CTNNA3: variants seen among roughly 807,000 people sequenced by gnomAD.
CTNNA3 encodes catenin alpha-3.
A neutral mutation model predicts 95.7 loss-of-function variants in CTNNA3; 76 were observed. The ratio of observed to expected loss-of-function variants is 0.79; its 90% CI spans 0.66 to 0.96. The LOEUF (loss-of-function observed/expected upper bound fraction) is 0.96. Among genes scored for constraint, CTNNA3 ranks in the 40% least tolerant of loss-of-function variants. CTNNA3 has a pLI of 0.00. For synonymous variants in CTNNA3, 431 were observed against 374.4 expected (o/e 1.15, Z -1.74); for missense variants, 1,191 against 1,089.8 (o/e 1.09, Z -1.31).
intron 7 of CTNNA3, among the ~76,000 whole-genome samples, chr10:67,066,681 T>G (rs1856112246): frequency 6.6e-6 from 1 of 152,174 alleles, no homozygotes; most frequent in African/African-American, 2.4e-5. Flanking sequence ...CTTGAATAAT[T>G]GTTAAACAAA....
intron 10 of CTNNA3, among the ~76,000 whole-genome samples, chr10:66,589,996 A>G (rs1336658086): frequency 6.6e-6 from 1 of 152,094 alleles, no homozygotes; most frequent in Non-Finnish European, 1.5e-5. Flanking sequence ...GAAATATTGA[A>G]AGGAGTAAGA....
At chr10:67,045,734 GC>G (rs1288864772) in intron 7 of CTNNA3, among the ~76,000 whole-genome samples, 1 of 152,074 alleles carries the variant, frequency 6.6e-6, no homozygotes, top group Non-Finnish European at 1.5e-5. Flanking sequence ...ACCAGCCAAG[GC>G]CCCCCTCTGT....
chr10:66,118,104 C>T lies in CTNNA3; in HGVS notation c.1885-14855G>A, dbSNP rs529192518. 2.6e-4 allele frequency: 39 copies of T among 152,280 alleles called. 1 individual carries two copies. Among genetic ancestry groups the T allele is most frequent in the South Asian group, 1.2e-3 (6 of 4,832 alleles). The allele number at this position is 152,280 out of a possible 1,614,324, so 9.4% of individuals were successfully genotyped here. Reference sequence around the variant, plus strand: ...ATGCACCTATACTTCCTCTTATATACGACTAATTTGACTATAGTTTATTTA... The same window carrying T: ...ATGCACCTATACTTCCTCTTATATATGACTAATTTGACTATAGTTTATTTA... On this transcript the variant is annotated intron_variant, in intron 13 of 17. Transcript: ENST00000433211.
At chr10:65,940,791 G>A (rs527670437) in intron 17 of CTNNA3, among the ~76,000 whole-genome samples, 1 of 152,112 alleles carries the variant, frequency 6.6e-6, no homozygotes, top group Non-Finnish European at 1.5e-5. Flanking sequence ...AACTTGCAAT[G>A]CCATTCACAA....
intron 5 of CTNNA3, among the ~76,000 whole-genome samples, chr10:67,253,454 T>C (rs1033875640): frequency 6.6e-6 from 1 of 152,170 alleles, no homozygotes; most frequent in Non-Finnish European, 1.5e-5. Flanking sequence ...AGTAGAAAGA[T>C]ACAAGGAAAA....
chr10:66,225,549 T>C (rs1489800702), intron 13 of CTNNA3, among the ~76,000 whole-genome samples: 1 of 151,342 alleles, frequency 6.6e-6, no homozygotes, highest in Non-Finnish European at 1.5e-5. Context: ...TGGGGATACA[T>C]ATATCTTTCT....
intron 7 of CTNNA3, among the ~76,000 whole-genome samples, chr10:67,101,300 C>A (rs552486865): frequency 6.6e-6 from 1 of 151,716 alleles, no homozygotes; most frequent in African/African-American, 2.4e-5. Flanking sequence ...GGGTTGAACA[C>A]ATGTTCAACA....
At chr10:66,356,974 G>A (rs2092616075) in intron 12 of CTNNA3, among the ~76,000 whole-genome samples, 1 of 151,926 alleles carries the variant, frequency 6.6e-6, no homozygotes, top group Non-Finnish European at 1.5e-5. Flanking sequence ...TGGTTATACA[G>A]TTATTACTCT....
At chr10:67,531,911 G>A (rs751656390) in intron 4 of CTNNA3, among the ~76,000 whole-genome samples, 4 of 152,008 alleles carry the variant, frequency 2.6e-5, no homozygotes, top group Non-Finnish European at 5.9e-5. Flanking sequence ...GAGATCTGAT[G>A]GTTTTAAAAA....
chr10:67,705,163 C>A (rs1456315354), intron 1 of CTNNA3, among the ~76,000 whole-genome samples: 7 of 151,906 alleles, frequency 4.6e-5, no homozygotes, highest in Admixed American at 2.0e-4. Context: ...AATAGGAACA[C>A]TTTTACACTG....
intron 1 of CTNNA3, among the ~76,000 whole-genome samples, chr10:67,703,645 T>C (rs1366098810): frequency 3.9e-5 from 6 of 152,220 alleles, no homozygotes; most frequent in Admixed American, 2.6e-4. Flanking sequence ...AAGAGCTATC[T>C]ATGACAGACC....
At chr10:67,575,782 T>C (rs1842122976) in intron 3 of CTNNA3, among the ~76,000 whole-genome samples, 1 of 152,214 alleles carries the variant, frequency 6.6e-6, no homozygotes, top group Admixed American at 6.5e-5. Context: ...GCTTTCCTTC[T>C]TCAGAAGGCT....
intron 1 of CTNNA3, among the ~76,000 whole-genome samples, chr10:67,711,545 G>A (rs1218489278): frequency 6.6e-6 from 1 of 151,740 alleles, no homozygotes; most frequent in Non-Finnish European, 1.5e-5. Flanking sequence ...TGAGAGAGAT[G>A]ATTTAGGGTA....
chr10:67,615,580 G>A (rs1378773034), intron 2 of CTNNA3, among the ~76,000 whole-genome samples: 2 of 151,710 alleles, frequency 1.3e-5, no homozygotes, highest in East Asian at 3.9e-4. Flanking sequence ...ACATGGCAAT[G>A]AGCCTCATTC....
intron 15 of CTNNA3, among the ~76,000 whole-genome samples, chr10:66,003,310 C>T (rs1370868886): frequency 5.4e-5 from 8 of 148,042 alleles, no homozygotes; most frequent in Non-Finnish European, 7.5e-5. Context: ...CTGCTGGTGG[C>T]GGTGGTGGTG....
At chr10:66,160,745 G>A (rs747925721) in intron 13 of CTNNA3, among the ~76,000 whole-genome samples, 4 of 152,082 alleles carry the variant, frequency 2.6e-5, no homozygotes, top group Non-Finnish European at 4.4e-5. Flanking sequence ...TTGATTTTCT[G>A]TCTTGATGAC....
intron 17 of CTNNA3, among the ~76,000 whole-genome samples, chr10:65,941,886 A>C (rs2077435734): frequency 6.6e-6 from 1 of 152,220 alleles, no homozygotes. Flanking sequence ...AGCATTTTGA[A>C]AAGAATTAAC....
At chr10:66,785,966 G>C (rs746943851) in intron 7 of CTNNA3, among the ~76,000 whole-genome samples, 13 of 152,148 alleles carry the variant, frequency 8.5e-5, no homozygotes, top group Non-Finnish European at 1.6e-4. Flanking sequence ...GGGAGGAGGA[G>C]AGTAGGGTTG....
intron 12 of CTNNA3, among the ~76,000 whole-genome samples, chr10:66,377,004 G>T (rs2092800860): frequency 1.3e-5 from 2 of 152,058 alleles, no homozygotes; most frequent in African/African-American, 4.8e-5. Flanking sequence ...TTCAGCTTTG[G>T]TTAAGATCAA....
Sources: gnomAD v4.1 joint callset for allele counts (sites outside exome capture counted in the v4.1 genomes callset) on GRCh38, gnomAD v4.1.1 for gene constraint, MANE v1.5 for transcripts, NCBI Gene and HGNC (gene_info 2026-07-23, HGNC 2026-07-21) for gene names.